CEP350: variants seen among roughly 807,000 people sequenced by gnomAD.
CEP350 encodes centrosomal protein 350, also known as centrosome-associated protein 350.
CEP350 carries 126 observed loss-of-function variants against 331.8 expected under a neutral mutation model. The observed-to-expected ratio is 0.38, with a 90% CI of 0.33 to 0.44. The LOEUF (loss-of-function observed/expected upper bound fraction) is 0.44, where lower values mean the gene tolerates loss of function less well. Ranked by LOEUF, CEP350 falls within the 20% of genes least tolerant of loss-of-function variation. The pLI is 1.00. For missense variants in CEP350, 3,406 were observed against 3,634.6 expected (o/e 0.94, Z 1.62); for synonymous variants, 1,200 against 1,259.5 (o/e 0.95, Z 1.00).
chr1:180,060,638 C>T (rs1331826070), intron 25 of CEP350, among the ~76,000 whole-genome samples: 1 of 152,026 alleles, frequency 6.6e-6, no homozygotes, highest in Non-Finnish European at 1.5e-5. Flanking sequence ...CAGAGCAAGA[C>T]CTTGACTCTA....
In CEP350 at chr1:180,004,906, G is replaced by GCTTGCTTGCTTGCTTTCTTTCTTT. The variant is rs1363516834; in HGVS notation, c.1133-1545_1133-1544insGCTTGCTTGCTTTCTTTCTTTCTT. On this transcript the variant is annotated intron_variant, in intron 7 of 37. Coordinates refer to ENST00000367607, the MANE Select transcript of CEP350 (RefSeq NM_014810.5). The stretch of plus-strand genomic sequence containing the variant: ...TGCTTGCTTGCTTGCTTGCTTGCTT[G>GCTTGCTTGCTTGCTTTCTTTCTTT]CTTTCTTTCTTTCTTTCTTTCTTTC... Among the ~76,000 whole-genome samples the GCTTGCTTGCTTGCTTTCTTTCTTT allele has an allele frequency of 1.5e-3, 194 of 130,844 alleles. 1 individual carries two copies. The highest frequency in any genetic ancestry group is 2.9e-3 in the African/African-American group (94 of 32,344). The allele number at this position is 130,844 out of a possible 152,430, so 85.8% of individuals were successfully genotyped here.
At position 180,020,590 on chromosome 1, in the gene CEP350, C is replaced by T; in HGVS notation, c.2816C>T (p.Ser939Phe). 3 of 1,613,964 alleles carry T rather than the reference C, an allele frequency of 1.9e-6. No homozygotes were observed. The highest frequency in any genetic ancestry group is 8.5e-7 in the Non-Finnish European group (1 of 1,179,880). Residue 939 changes from serine to phenylalanine, a missense_variant, in exon 12 of 38, where the codon TCC (serine) becomes TTC (phenylalanine). By Grantham distance (155) the Ser-to-Phe change is radical (BLOSUM62 -2). Around this residue, in one of 5 missense-constraint regions of CEP350, gnomAD observed 1,857 missense variants for 1,909.2 expected, o/e 0.97. Coordinates refer to ENST00000367607, the MANE Select transcript of CEP350 (RefSeq NM_014810.5). ...QSAISSFRVRSPGPKPEGLLA... is the reference protein window; with the variant it reads ...QSAISSFRVRFPGPKPEGLLA... The stretch of plus-strand genomic sequence containing the variant: ...GCCATATCAAGCTTTAGAGTGAGAT[C>T]CCCTGGTCCCAAACCAGAAGGGCTA...
rs1650045055 is a variant in CEP350, at chr1:179,954,838, C to A, written c.-318C>A. 2 of 430,800 alleles carry A rather than the reference C, an allele frequency of 4.6e-6. No individual in the cohort carries two copies. The highest frequency in any genetic ancestry group is 4.1e-6 in the Non-Finnish European group (1 of 244,496). 26.7% of individuals were successfully genotyped at this position (430,800 alleles called of 1,614,324 possible). A position where few individuals can be genotyped will look rare whatever the true frequency, so the allele number is the denominator to read the frequency against. ...TGTTGGGCTGTAATGGCGACTGGGC[C>A]GCCCCTGACGAAGTGACTCCCGGGC... On this transcript the variant is annotated 5_prime_UTR_variant, in exon 1 of 38. Transcript: ENST00000367607.
intron 7 of CEP350, among the ~76,000 whole-genome samples, chr1:180,004,186 T>A (rs937516801): frequency 2.0e-5 from 3 of 152,202 alleles, no homozygotes; most frequent in Non-Finnish European, 4.4e-5. Context: ...TATTGGTTTT[T>A]TCATCTGTAA....
intron 28 of CEP350, among the ~76,000 whole-genome samples, chr1:180,077,331 T>A (rs910510115): frequency 6.6e-6 from 1 of 151,024 alleles, no homozygotes; most frequent in Non-Finnish European, 1.5e-5. Flanking sequence ...TAACAAAAAG[T>A]GTACAAGATC....
rs1650065631 is a variant in CEP350, at chr1:179,955,094, G to C, written c.-62G>C. 1 of 1,467,818 alleles carries C rather than the reference G, an allele frequency of 6.8e-7. No individual in the cohort carries two copies. Among genetic ancestry groups the C allele is most frequent in the South Asian group, 1.3e-5 (1 of 77,226 alleles). 90.9% of individuals were successfully genotyped at this position (1,467,818 alleles called of 1,614,324 possible). ...GCGGCGTCACTGCACCCTCCGCCAGGCTCCGCGGGATGCACCGTGGTAGCC... is the reference window on the plus strand; with the variant it reads ...GCGGCGTCACTGCACCCTCCGCCAGCCTCCGCGGGATGCACCGTGGTAGCC... On this transcript the variant is annotated 5_prime_UTR_variant, in exon 1 of 38. Coordinates refer to ENST00000367607, the MANE Select transcript of CEP350 (RefSeq NM_014810.5).
At chr1:180,036,433 C>T (rs932300562) in intron 16 of CEP350, among the ~76,000 whole-genome samples, 7 of 152,104 alleles carry the variant, frequency 4.6e-5, no homozygotes, top group East Asian at 1.9e-4. Flanking sequence ...AAGAGTCAAT[C>T]GATGCAGTAA....
intron 31 of CEP350, 197 bp from the exon 32 acceptor site, chr1:180,087,381 T>C: frequency 2.5e-6 from 1 of 408,066 alleles, no homozygotes; most frequent in Non-Finnish European, 4.3e-6. Flanking sequence ...ATCTTGCTTA[T>C]ATATAGATTA....
chr1:180,096,014 T>G (rs1424487999), intron 35 of CEP350, 24 bp from the exon 36 acceptor site: 1 of 1,543,346 alleles, frequency 6.5e-7, no homozygotes, highest in Non-Finnish European at 8.7e-7. Context: ...TTTGTTTTGT[T>G]TTGTTTTGTT....
At chr1:180,014,771 T>C (rs759664992) in intron 10 of CEP350, among the ~76,000 whole-genome samples, 2 of 152,226 alleles carry the variant, frequency 1.3e-5, no homozygotes, top group Non-Finnish European at 2.9e-5. Flanking sequence ...ATAGTTTTCA[T>C]TGTAGTACTG....
intron 8 of CEP350, among the ~76,000 whole-genome samples, chr1:180,011,347 A>G (rs1473988732): frequency 1.3e-5 from 2 of 152,160 alleles, no homozygotes; most frequent in East Asian, 3.8e-4. Context: ...TAAAGCAAAC[A>G]TATTATTTTA....
chr1:180,021,424 C>T (rs1242590130), intron 12 of CEP350, among the ~76,000 whole-genome samples: 3 of 152,072 alleles, frequency 2.0e-5, no homozygotes, highest in African/African-American at 4.8e-5. Context: ...GAGTCCAAGG[C>T]GGGCGGATCA....
chr1:179,995,351 A>T (rs993077635), intron 5 of CEP350, among the ~76,000 whole-genome samples: 1 of 152,172 alleles, frequency 6.6e-6, no homozygotes. Context: ...CTGTAATCCC[A>T]GCACTTTGGA....
chr1:180,003,413 A>G (rs944529104), intron 7 of CEP350, 126 bp downstream of exon 7: 5 of 669,090 alleles, frequency 7.5e-6, no homozygotes, highest in African/African-American at 1.8e-5. Context: ...GGCATGCTGA[A>G]GTTGTGGTGG....
intron 1 of CEP350, chr1:179,969,518 C>A: frequency 4.6e-6 from 2 of 438,572 alleles, no homozygotes; most frequent in Non-Finnish European, 4.5e-6. Flanking sequence ...TTAAGCTGTT[C>A]TTGCATGGAC....
intron 6 of CEP350, among the ~76,000 whole-genome samples, chr1:180,000,235 A>T (rs1347930143): frequency 6.6e-6 from 1 of 152,192 alleles, no homozygotes; most frequent in African/African-American, 2.4e-5. Flanking sequence ...AATGTTTCCT[A>T]AAGAGGAGAG....
At chr1:180,095,273 C>G (rs146123193) in intron 34 of CEP350, 62 of 330,330 alleles carry the variant, frequency 1.9e-4, no homozygotes, top group Non-Finnish European at 2.4e-4. Flanking sequence ...ATACAAAAAG[C>G]GGGGAGAGCC....
intron 1 of CEP350, among the ~76,000 whole-genome samples, chr1:179,976,718 AAATATATTTTTC>A (rs1651896818): frequency 3.3e-5 from 5 of 152,120 alleles, no homozygotes. Context: ...AATGAATTTC[AAATATATTTTTC>A]ATTAATAGCT....
intron 8 of CEP350, 148 bp downstream of exon 8, chr1:180,006,715 C>T (rs1654282368): frequency 8.6e-6 from 5 of 578,064 alleles, no homozygotes; most frequent in East Asian, 2.9e-5. Context: ...CCCATTAACC[C>T]GTCATCTACA....
Sources: allele counts gnomAD v4.1 joint callset (sites outside exome capture counted in the v4.1 genomes callset), GRCh38; gene constraint gnomAD v4.1.1; regional missense constraint gnomAD v4.1.1; transcripts MANE v1.5; gene names NCBI Gene and HGNC (gene_info 2026-07-23, HGNC 2026-07-21).